The following GPR176 variants were observed in gnomAD, a reference collection of about 807,000 sequenced individuals.
GPR176 encodes G protein-coupled receptor 176, also known as G-protein coupled receptor 176.
GPR176 carries 26 observed loss-of-function variants against 35.4 expected under a neutral mutation model. The ratio of observed to expected loss-of-function variants is 0.74; its 90% CI spans 0.54 to 1.02. The LOEUF (loss-of-function observed/expected upper bound fraction) is 1.02. GPR176 is among the 50% of genes least tolerant of loss of function. GPR176 has a pLI of 0.00. For synonymous variants in GPR176, 278 were observed against 271.3 expected (o/e 1.02, Z -0.24); for missense variants, 597 against 665.3 (o/e 0.90, Z 1.13).
At chr15:39,860,819 C>T (rs1168101030) in intron 1 of GPR176, 1 of 152,172 alleles carries the variant, frequency 6.6e-6, no homozygotes, top group East Asian at 1.9e-4. Flanking sequence ...CTGATACCTA[C>T]CTGAAAATGA....
At chr15:39,829,225 A>G in intron 1 of GPR176, 1 of 1,499,074 alleles carries the variant, frequency 6.7e-7, no homozygotes, top group African/African-American at 1.4e-5. Context: ...ACTGAGAACA[A>G]AGACCAAAGA....
intron 1 of GPR176, among the ~76,000 whole-genome samples, chr15:39,874,095 C>A (rs1002579098): frequency 1.3e-5 from 2 of 152,200 alleles, no homozygotes; most frequent in Non-Finnish European, 2.9e-5. Flanking sequence ...TTACGTAAGT[C>A]TGCAGTCTCT....
rs559626783 is a variant in GPR176, at chr15:39,801,433, G to C, written c.1247C>G (p.Pro416Arg). Residue 416 changes from proline (P) to arginine (R), a missense_variant, in exon 3 of 3, where the codon CCA becomes CGA. Around this residue, in one of 3 missense-constraint regions of GPR176, gnomAD observed 251 missense variants for 255.4 expected, o/e 0.98. Coordinates refer to ENST00000561100, the MANE Select transcript of GPR176 (RefSeq NM_007223.3). ...FSTCLEGEQG[P>R]QFAPSAPPLS... ...GGGTGGGGCAGAGGGCGCAAACTGTGGCCCCTGCTCTCCCTCCAGGCAGGT... is the reference window on the plus strand; with the variant it reads ...GGGTGGGGCAGAGGGCGCAAACTGTCGCCCCTGCTCTCCCTCCAGGCAGGT... The C allele has an allele frequency of 6.8e-6, 11 of 1,614,034 alleles. No individual in the cohort carries two copies. In the South Asian group the frequency reaches 1.2e-4, roughly 18 times the overall value.
intron 1 of GPR176, among the ~76,000 whole-genome samples, chr15:39,907,576 G>C (rs2033459314): frequency 1.3e-5 from 2 of 152,200 alleles, no homozygotes; most frequent in Admixed American, 6.5e-5. Context: ...TGTAGCAAGA[G>C]CTGTGTTTCC....
At chr15:39,876,173 C>A (rs2032239549) in intron 1 of GPR176, among the ~76,000 whole-genome samples, 1 of 151,480 alleles carries the variant, frequency 6.6e-6, no homozygotes, top group Non-Finnish European at 1.5e-5. Flanking sequence ...TCAAGAAATA[C>A]ATATTTTTAA....
chr15:39,832,789 T>A (rs1901177724), intron 1 of GPR176, among the ~76,000 whole-genome samples: 1 of 152,080 alleles, frequency 6.6e-6, no homozygotes, highest in Non-Finnish European at 1.5e-5. Context: ...TTGGGCAAAC[T>A]TGTTTTAGAG....
At chr15:39,897,258 C>T (rs936841777) in intron 1 of GPR176, among the ~76,000 whole-genome samples, 2 of 152,188 alleles carry the variant, frequency 1.3e-5, no homozygotes, top group African/African-American at 2.4e-5. Context: ...TGCCTTTCTC[C>T]ATAAAAGTGA....
chr15:39,908,615 G>C (rs1306641561), intron 1 of GPR176, among the ~76,000 whole-genome samples: 1 of 151,350 alleles, frequency 6.6e-6, no homozygotes, highest in African/African-American at 2.4e-5. Context: ...TTAGGCTCAG[G>C]CCCTCCAGGG....
intron 1 of GPR176, among the ~76,000 whole-genome samples, chr15:39,840,303 T>C (rs1901662129): frequency 6.6e-6 from 1 of 152,056 alleles, no homozygotes; most frequent in Admixed American, 6.5e-5. Context: ...TATGCAGCCA[T>C]AAAAAAGGAT....
rs1480322265 is a variant in GPR176 at position 39,802,120 on chromosome 15, T to G, written c.560A>C (p.Tyr187Ser). 1.9e-6 allele frequency: 3 copies of G among 1,614,130 alleles called. 1 individual carries two copies. In the South Asian group the frequency reaches 3.3e-5, roughly 18 times the overall value. Reference protein sequence around the residue: ...VFAVTNVADIYATSTCTEVWS... With the variant: ...VFAVTNVADISATSTCTEVWS... ...GACTTCCGTGCAGGTGGACGTGGCA[T>G]AGATGTCAGCCACATTGGTTACTGC... is the stretch of plus-strand genomic sequence containing the variant. The change falls in exon 3 of 3, where the codon TAT (tyrosine) becomes TCT (serine). Residue 187 changes from tyrosine to serine, a missense_variant. Transcript: ENST00000561100.
intron 1 of GPR176, among the ~76,000 whole-genome samples, chr15:39,905,411 G>C: frequency 7.4e-6 from 1 of 135,648 alleles, no homozygotes; most frequent in African/African-American, 2.8e-5. Context: ...TGGAGTTTGA[G>C]ACTAGCTTAG....
chr15:39,819,698 C>A (rs974459558), intron 1 of GPR176, among the ~76,000 whole-genome samples: 2 of 152,180 alleles, frequency 1.3e-5, no homozygotes, highest in Non-Finnish European at 2.9e-5. Flanking sequence ...AATACTCATG[C>A]ACTCTATTCT....
chr15:39,806,350 G>A (rs1289789891), intron 2 of GPR176, among the ~76,000 whole-genome samples: 1 of 152,160 alleles, frequency 6.6e-6, no homozygotes, highest in East Asian at 1.9e-4. Context: ...TGAAGCACTA[G>A]CTAGAAAGGA....
chr15:39,902,025 A>C (rs1178707768), intron 1 of GPR176, among the ~76,000 whole-genome samples: 1 of 152,142 alleles, frequency 6.6e-6, no homozygotes, highest in East Asian at 1.9e-4. Flanking sequence ...CAGAGGTTGC[A>C]GTGAGCCGAG....
In GPR176 at chr15:39,899,456, C is replaced by A. The variant is rs115342089; in HGVS notation, c.172+20399G>T. Reference sequence around the variant, plus strand: ...CTGTATTGTGTAACAAGATGCCTAGCAGATTCTTTTACACATTGATGTATG... The same window carrying A: ...CTGTATTGTGTAACAAGATGCCTAGAAGATTCTTTTACACATTGATGTATG... On this transcript the variant is annotated intron_variant, in intron 1 of 2. Coordinates refer to ENST00000561100, the MANE Select transcript of GPR176 (RefSeq NM_007223.3). 8.9e-3 allele frequency among the ~76,000 whole-genome samples: 1,352 copies of A among 152,288 alleles called. 23 individuals are homozygous for A. The highest frequency in any genetic ancestry group is 0.031 in the African/African-American group (1,272 of 41,544).
chr15:39,828,077 T>A (rs1566943115), intron 1 of GPR176, among the ~76,000 whole-genome samples: 1 of 152,216 alleles, frequency 6.6e-6, no homozygotes, highest in Non-Finnish European at 1.5e-5. Context: ...TTTCCACCCC[T>A]AGCTAGCCTG....
chr15:39,903,255 C>T (rs569718115), intron 1 of GPR176, among the ~76,000 whole-genome samples: 2 of 139,700 alleles, frequency 1.4e-5, no homozygotes, highest in African/African-American at 2.6e-5. Context: ...GTACTTTATT[C>T]GAAACAAATA....
chr15:39,836,577 G>A (rs1395844059), intron 1 of GPR176, among the ~76,000 whole-genome samples: 1 of 152,008 alleles, frequency 6.6e-6, no homozygotes, highest in Non-Finnish European at 1.5e-5. Context: ...TTCCTTTATA[G>A]CAACATAAAT....
chr15:39,882,184 A>G (rs1431961736), intron 1 of GPR176, among the ~76,000 whole-genome samples: 3 of 152,212 alleles, frequency 2.0e-5, no homozygotes, highest in Non-Finnish European at 4.4e-5. Context: ...AGATTATTCT[A>G]TTTCTAAGAA....
Sources: allele counts gnomAD v4.1 joint callset (sites outside exome capture counted in the v4.1 genomes callset), GRCh38; gene constraint gnomAD v4.1.1; regional missense constraint gnomAD v4.1.1; transcripts MANE v1.5; gene names NCBI Gene and HGNC (gene_info 2026-07-23, HGNC 2026-07-21).